Variants in DNAJC13 observed in about 807,000 individuals in gnomAD.
DNAJC13 encodes dnaJ homolog subfamily C member 13.
A neutral mutation model predicts 290.5 loss-of-function variants in DNAJC13; 75 were observed. The ratio of observed to expected loss-of-function variants is 0.26; its 90% confidence interval spans 0.21 to 0.31. The LOEUF (loss-of-function observed/expected upper bound fraction) is 0.31, where lower values mean the gene tolerates loss of function less well. Among genes scored for constraint, DNAJC13 ranks in the 10% least tolerant of loss-of-function variants. The pLI is 1.00. For synonymous variants in DNAJC13, 862 were observed against 892.0 expected, an observed-to-expected ratio of 0.97 and a Z score of 0.60; for missense variants, 2,260 against 2,674.5, an observed-to-expected ratio of 0.85 and a Z score of 3.42.
At chr3:132,503,107 CTT>C in intron 40 of DNAJC13, 105 bp from the exon 41 acceptor site, 1 of 1,238,686 alleles carries the variant, frequency 8.1e-7, no homozygotes, top group Non-Finnish European at 1.1e-6. Context: ...TGTTGGTTGA[CTT>C]TTTACTCCTT....
intron 2 of DNAJC13, among the ~76,000 whole-genome samples, chr3:132,436,679 T>C (rs1939394359): frequency 6.6e-6 from 1 of 152,186 alleles, no homozygotes; most frequent in South Asian, 2.1e-4. Flanking sequence ...CATATCCTTA[T>C]CAACACTTAT....
chr3:132,459,058 T>C (rs1054507597), intron 13 of DNAJC13, among the ~76,000 whole-genome samples: 3 of 152,338 alleles, frequency 2.0e-5, no homozygotes, highest in Admixed American at 6.5e-5. Context: ...TATGAATTTT[T>C]CATATATTAT....
chr3:132,440,988 T>C (rs1034487735), intron 2 of DNAJC13, among the ~76,000 whole-genome samples: 1 of 152,224 alleles, frequency 6.6e-6, no homozygotes, highest in Non-Finnish European at 1.5e-5. Flanking sequence ...AGGTCAGTTA[T>C]CCTTAATTTC....
At chr3:132,507,437 C>G (rs745446223) in intron 43 of DNAJC13, 84 bp downstream of exon 43, 2 of 795,800 alleles carry the variant, frequency 2.5e-6, no homozygotes, top group Non-Finnish European at 2.1e-6. Context: ...TTTATAGAGG[C>G]ACACTTCATT....
chr3:132,484,233 T>G, intron 28 of DNAJC13: 1 of 306,788 alleles, frequency 3.3e-6, no homozygotes, highest in South Asian at 2.8e-5. Context: ...CCAAACATAG[T>G]TAAATCAAGG....
intron 16 of DNAJC13, 127 bp downstream of exon 16, chr3:132,462,650 TA>T: frequency 5.1e-6 from 3 of 593,956 alleles, no homozygotes; most frequent in Non-Finnish European, 8.4e-6. Context: ...AAAGTAATTT[TA>T]AATCTTTATT....
In DNAJC13 at chr3:132,442,143, A is replaced by AAG. The variant is rs1933092738; in HGVS notation, c.69-4332_69-4331insAG. 2.0e-5 allele frequency among the ~76,000 whole-genome samples: 3 copies of AAG among 150,168 alleles called. No homozygotes were observed. In the South Asian group the frequency reaches 6.4e-4, roughly 32 times the overall value. ...ATGCCATATGTTAAAAAAAAAAAAA[A>AAG]CATGTTTTAAAAAATTGTTGGTTTT... On this transcript the variant is annotated intron_variant, in intron 2 of 55. Transcript: ENST00000260818.
chr3:132,520,017 C>T (rs1273642362), intron 48 of DNAJC13, among the ~76,000 whole-genome samples: 1 of 152,170 alleles, frequency 6.6e-6, no homozygotes, highest in African/African-American at 2.4e-5. Flanking sequence ...TTGAGACTTA[C>T]TATCACGAGA....
chr3:132,454,488 ATTTTTTTC>A (rs796563248), intron 9 of DNAJC13, among the ~76,000 whole-genome samples: 1,654 of 151,194 alleles, frequency 0.011, 23 homozygotes, highest in African/African-American at 0.038. Context: ...CGCCCAGCTA[ATTTTTTTC>A]TTTTTTTCTT....
chr3:132,510,400 T>C (rs72994252), intron 43 of DNAJC13, among the ~76,000 whole-genome samples: 5,568 of 152,168 alleles, frequency 0.037, 344 homozygotes, highest in African/African-American at 0.12. Flanking sequence ...TTTTGTTTTT[T>C]CTATTTAAAG....
At chr3:132,471,870 G>A (rs1475087762) in intron 20 of DNAJC13, among the ~76,000 whole-genome samples, 1 of 146,544 alleles carries the variant, frequency 6.8e-6, no homozygotes, top group Admixed American at 6.9e-5. Context: ...CTGCAATCTC[G>A]GCACTTTGGG....
chr3:132,460,455 T>G (rs979097662), intron 14 of DNAJC13, 98 bp downstream of exon 14: 10 of 768,426 alleles, frequency 1.3e-5, no homozygotes, highest in Non-Finnish European at 2.1e-5. Flanking sequence ...TTTTTTATTG[T>G]AGCCCCCAGC....
chr3:132,488,214 T>C, intron 29 of DNAJC13, 84 bp from the exon 30 acceptor site: 3 of 1,269,664 alleles, frequency 2.4e-6, no homozygotes, highest in East Asian at 2.4e-5. Flanking sequence ...TAAGGAGCTA[T>C]AACCTCAGCA....
intron 18 of DNAJC13, 21 bp downstream of exon 18, chr3:132,466,091 G>A: frequency 6.3e-7 from 1 of 1,589,606 alleles, no homozygotes; most frequent in Non-Finnish European, 8.6e-7. Flanking sequence ...TGAGAAATTA[G>A]GTTATATACT....
intron 1 of DNAJC13, among the ~76,000 whole-genome samples, chr3:132,419,879 A>G (rs1938904220): frequency 6.6e-6 from 1 of 152,226 alleles, no homozygotes; most frequent in African/African-American, 2.4e-5. Flanking sequence ...TTTATAAAAA[A>G]TAATTAGTAA....
rs919360208 is a variant in DNAJC13 at position 132,450,583 on chromosome 3, A to G, written c.337-64A>G. On this transcript the variant is annotated intron_variant, in intron 5 of 55. Transcript: ENST00000260818. ...GTCGTTTCAATAGTGACTGTGATAC[A>G]TTAAATTTTATTTTATATGATTTTA... 25 of 1,260,582 alleles carry G rather than the reference A, an allele frequency of 2.0e-5. No homozygotes were observed. In the African/African-American group the frequency reaches 3.2e-4, roughly 16 times the overall value. 78.1% of individuals were successfully genotyped at this position (1,260,582 alleles called of 1,614,324 possible).
At position 132,478,032 on chromosome 3, in the gene DNAJC13, A is replaced by G; in HGVS notation, c.2601A>G (p.Val867=). Residue 867 remains valine, a synonymous_variant, in exon 24 of 56, where the codon GTA becomes GTG. Transcript: ENST00000260818. Reference sequence around the variant, plus strand: ...ATCGCTTCTTGCTCACCCCAAAAGTAAACATGAAGTGTTTATGTTTACAAG... The same window carrying G: ...ATCGCTTCTTGCTCACCCCAAAAGTGAACATGAAGTGTTTATGTTTACAAG... ...LYHRFLLTPK[V]NMKCLCLQAL... is the part of the protein sequence containing the mutation. 6.2e-7 allele frequency: 1 copy of G among 1,613,200 alleles called. No homozygotes were observed. Among genetic ancestry groups the G allele is most frequent in the Non-Finnish European group, 8.5e-7 (1 of 1,179,766 alleles).
At chr3:132,492,816 A>G (rs1935107291) in intron 33 of DNAJC13, among the ~76,000 whole-genome samples, 1 of 152,060 alleles carries the variant, frequency 6.6e-6, no homozygotes, top group Non-Finnish European at 1.5e-5. Context: ...TTAAGGGAGT[A>G]TTAAGAGTAT....
chr3:132,523,804 A>C, intron 51 of DNAJC13, 91 bp downstream of exon 51: 1 of 1,304,806 alleles, frequency 7.7e-7, no homozygotes, highest in Non-Finnish European at 1.0e-6. Flanking sequence ...AAGACCATGA[A>C]TTAGGAATTG....
Sources: gnomAD v4.1 joint callset for allele counts (sites outside exome capture counted in the v4.1 genomes callset) on GRCh38, gnomAD v4.1.1 for gene constraint, MANE v1.5 for transcripts, NCBI Gene and HGNC (gene_info 2026-07-23, HGNC 2026-07-21) for gene names.